SEL1L2: variants seen among roughly 807,000 people sequenced by gnomAD.
The protein encoded by SEL1L2 is SEL1L2 adaptor subunit of SYVN1 ubiquitin ligase.
In SEL1L2, 89 loss-of-function variants were observed where a neutral mutation model predicts 98.8. That is an observed-to-expected ratio of 0.90 (90% CI 0.76 to 1.07). The LOEUF is 1.07. Among genes scored for constraint, SEL1L2 ranks in the 50% least tolerant of loss-of-function variants. The pLI is 0.00. For missense variants in SEL1L2, 788 were observed against 812.0 expected, an observed-to-expected ratio of 0.97 and a Z score of 0.36; for synonymous variants, 262 against 278.5, an observed-to-expected ratio of 0.94 and a Z score of 0.59.
chr20:13,872,804 C>G (rs2147875891), intron 12 of SEL1L2, among the ~76,000 whole-genome samples: 1 of 152,124 alleles, frequency 6.6e-6, no homozygotes, highest in East Asian at 1.9e-4. Context: ...GTTCAGACAC[C>G]TGCAGGAACC....
chr20:13,937,287 G>C (rs2049501484), intron 2 of SEL1L2, among the ~76,000 whole-genome samples: 1 of 152,190 alleles, frequency 6.6e-6, no homozygotes, highest in Non-Finnish European at 1.5e-5. Flanking sequence ...TGAAAAAGGG[G>C]TCCTCGGAGA....
intron 2 of SEL1L2, among the ~76,000 whole-genome samples, chr20:13,953,554 C>G (rs1468993453): frequency 6.6e-6 from 1 of 152,208 alleles, no homozygotes; most frequent in African/African-American, 2.4e-5. Context: ...CCTGGAGAAA[C>G]TCCAACTGGG....
chr20:13,860,623 C>T lies in SEL1L2; in HGVS notation c.1646-1189G>A, dbSNP rs184402124. The stretch of plus-strand genomic sequence containing the variant: ...TCCTAAATGTGGAATGTCAACGGCT[C>T]GCTCCCAACTCCTTTTTTTCTCTTT... On this transcript the variant is annotated intron_variant, in intron 17 of 19. Coordinates refer to ENST00000284951, the MANE Select transcript of SEL1L2 (RefSeq NM_025229.2). 8.5e-5 allele frequency among the ~76,000 whole-genome samples: 13 copies of T among 152,178 alleles called. No homozygotes were observed. The East Asian group carries it at 2.3e-3, about 27-fold the overall frequency.
chr20:13,870,793 C>A (rs142535475), intron 12 of SEL1L2, among the ~76,000 whole-genome samples: 1 of 151,882 alleles, frequency 6.6e-6, no homozygotes, highest in South Asian at 2.1e-4. Context: ...TGTGGTGGCA[C>A]ACACCTGTAA....
In SEL1L2 at chr20:13,886,259, A is replaced by C. The variant is rs767871396; in HGVS notation, c.900+29T>G. On this transcript the variant is annotated intron_variant, in intron 9 of 19. Transcript: ENST00000284951. ...AAGCCCCTTGTAATTTTCATGTTCT[A>C]AAAACTCAATCTCATCTGTATACAT... 8 of 1,543,774 alleles carry C rather than the reference A, an allele frequency of 5.2e-6. No homozygotes were observed. The South Asian group carries it at 8.2e-5, about 16-fold the overall frequency.
chr20:13,859,198 T>C, intron 18 of SEL1L2, 64 bp downstream of exon 18: 2 of 1,463,560 alleles, frequency 1.4e-6, no homozygotes, highest in Non-Finnish European at 1.9e-6. Context: ...TTCAAAACAT[T>C]TACACATTCT....
At chr20:13,946,464 A>G (rs2050013336) in intron 2 of SEL1L2, among the ~76,000 whole-genome samples, 1 of 152,258 alleles carries the variant, frequency 6.6e-6, no homozygotes, top group African/African-American at 2.4e-5. Context: ...AAAAAACTAT[A>G]AAACTTGCTG....
chr20:13,943,149 T>G (rs575408552), intron 2 of SEL1L2, among the ~76,000 whole-genome samples: 1 of 152,328 alleles, frequency 6.6e-6, no homozygotes, highest in South Asian at 2.1e-4. Flanking sequence ...TATTATTTTA[T>G]TGTGTATTTG....
intron 1 of SEL1L2, among the ~76,000 whole-genome samples, chr20:13,977,706 C>A (rs2051612675): frequency 6.6e-6 from 1 of 152,064 alleles, no homozygotes; most frequent in African/African-American, 2.4e-5. Flanking sequence ...GGGGTCTGTT[C>A]CCCTAGCTCT....
chr20:13,973,107 C>T (rs985189282), intron 1 of SEL1L2, among the ~76,000 whole-genome samples: 11 of 152,128 alleles, frequency 7.2e-5, no homozygotes, highest in Non-Finnish European at 1.3e-4. Flanking sequence ...GGGAATTTCT[C>T]AGTTTGATCT....
intron 18 of SEL1L2, among the ~76,000 whole-genome samples, chr20:13,858,764 C>T (rs1989566467): frequency 2.0e-5 from 3 of 152,292 alleles, no homozygotes; most frequent in Admixed American, 2.0e-4. Context: ...ACTGGAGATT[C>T]ACTCTCTTTG....
At chr20:13,896,094 G>A (rs918207291) in intron 5 of SEL1L2, among the ~76,000 whole-genome samples, 1 of 152,208 alleles carries the variant, frequency 6.6e-6, no homozygotes, top group Admixed American at 6.5e-5. Flanking sequence ...AGAATCATTT[G>A]AACCTGGGAG....
chr20:13,915,468 C>T (rs1330489139), intron 4 of SEL1L2, among the ~76,000 whole-genome samples: 2 of 152,156 alleles, frequency 1.3e-5, no homozygotes, highest in African/African-American at 4.8e-5. Flanking sequence ...CTCCCTTGAG[C>T]CTTTCTGTCA....
chr20:13,983,027 A>AAAAAAAAAAAAAAAAC (rs2051927365), intron 1 of SEL1L2, among the ~76,000 whole-genome samples: 2 of 126,224 alleles, frequency 1.6e-5, no homozygotes, highest in African/African-American at 3.1e-5. Flanking sequence ...CCATCTCAAA[A>AAAAAAAAAAAAAAAAC]AAAAAAAAAA....
intron 5 of SEL1L2, among the ~76,000 whole-genome samples, chr20:13,896,111 G>A (rs1466102923): frequency 6.6e-6 from 1 of 152,104 alleles, no homozygotes; most frequent in Non-Finnish European, 1.5e-5. Context: ...GGAGGCGGAG[G>A]TTGCAGCAAG....
At chr20:13,922,267 G>A (rs988591794) in intron 3 of SEL1L2, among the ~76,000 whole-genome samples, 2 of 152,106 alleles carry the variant, frequency 1.3e-5, no homozygotes, top group Non-Finnish European at 2.9e-5. Flanking sequence ...CAATATGACT[G>A]GAGTTATTTA....
chr20:13,875,140 T>C (rs568711118), intron 12 of SEL1L2, among the ~76,000 whole-genome samples: 2 of 152,204 alleles, frequency 1.3e-5, no homozygotes, highest in South Asian at 4.1e-4. Flanking sequence ...TCCACTTTAC[T>C]GGCCCCAGAC....
At chr20:13,916,196 G>A (rs1283243083) in intron 4 of SEL1L2, among the ~76,000 whole-genome samples, 2 of 152,228 alleles carry the variant, frequency 1.3e-5, no homozygotes, top group Non-Finnish European at 2.9e-5. Context: ...GGTCCAGGAT[G>A]TGGGTGTGGA....
chr20:13,945,749 G>A (rs116020723), intron 2 of SEL1L2, among the ~76,000 whole-genome samples: 2 of 152,130 alleles, frequency 1.3e-5, no homozygotes, highest in African/African-American at 4.8e-5. Flanking sequence ...CCATGACCAA[G>A]TGGGATTTTT....
Sources: gnomAD v4.1 joint callset for allele counts (sites outside exome capture counted in the v4.1 genomes callset) on GRCh38, gnomAD v4.1.1 for gene constraint, MANE v1.5 for transcripts, NCBI Gene and HGNC (gene_info 2026-07-23, HGNC 2026-07-21) for gene names.